The following MSRA variants were observed in gnomAD, a reference collection of about 807,000 sequenced individuals.
MSRA encodes methionine sulfoxide reductase A.
Under a neutral mutation model 31.3 loss-of-function variants are expected in MSRA, and 54 were observed. The observed-to-expected ratio is 1.73, with a 90% confidence interval of 1.39 to 2.17. The LOEUF is 2.17. Among genes scored for constraint, MSRA ranks in the 30% most tolerant of loss-of-function variants. The pLI is 0.00. For missense variants in MSRA, 507 were observed against 300.9 expected (o/e 1.69, Z -5.07); for synonymous variants, 169 against 116.5 (o/e 1.45, Z -2.90).
chr8:10,070,680 T>G (rs1175413429), intron 1 of MSRA, among the ~76,000 whole-genome samples: 1 of 152,208 alleles, frequency 6.6e-6, no homozygotes, highest in African/African-American at 2.4e-5. Context: ...ATGTGCAACC[T>G]CTGGCGACCA....
intron 1 of MSRA, among the ~76,000 whole-genome samples, chr8:10,158,558 G>T (rs1254754597): frequency 1.3e-5 from 2 of 152,218 alleles, no homozygotes; most frequent in African/African-American, 4.8e-5. Flanking sequence ...CAGTCCCTTT[G>T]ATTGCTGGTC....
intron 1 of MSRA, among the ~76,000 whole-genome samples, chr8:10,181,076 G>A (rs1302826158): frequency 6.6e-6 from 1 of 152,208 alleles, no homozygotes; most frequent in African/African-American, 2.4e-5. Context: ...CTGGAGATAG[G>A]TGAGAATGAG....
intron 1 of MSRA, among the ~76,000 whole-genome samples, chr8:10,157,456 T>C (rs1256829251): frequency 6.6e-6 from 1 of 152,114 alleles, no homozygotes; most frequent in African/African-American, 2.4e-5. Context: ...CAAAGAATTT[T>C]TAAAAAGATT....
intron 1 of MSRA, among the ~76,000 whole-genome samples, chr8:10,067,691 G>C (rs186824143): frequency 1.2e-3 from 184 of 152,264 alleles, no homozygotes; most frequent in African/African-American, 4.3e-3. Flanking sequence ...GTTGTTATCA[G>C]TGCTTTGGAT....
rs1180150717 is a variant in MSRA at position 10,376,294 on chromosome 8, A to G, written c.544-51854A>G. 4.6e-5 allele frequency among the ~76,000 whole-genome samples: 7 copies of G among 152,336 alleles called. No homozygotes were observed. The South Asian group carries it at 1.0e-3, about 23-fold the overall frequency. ...GCTTCTCCTATCCCTGGCTTCTACAATGCAGCCAGGAACAGCAAATGCCAT... is the reference window on the plus strand; with the variant it reads ...GCTTCTCCTATCCCTGGCTTCTACAGTGCAGCCAGGAACAGCAAATGCCAT... On this transcript the variant is annotated intron_variant, in intron 5 of 5. Coordinates refer to ENST00000317173, the MANE Select transcript of MSRA (RefSeq NM_012331.5).
intron 1 of MSRA, among the ~76,000 whole-genome samples, chr8:10,129,151 G>A (rs184862775): frequency 6.6e-6 from 1 of 152,234 alleles, no homozygotes; most frequent in Non-Finnish European, 1.5e-5. Context: ...CTGAGTGACG[G>A]AGACTCTGTT....
chr8:10,178,821 A>G (rs541841655), intron 1 of MSRA, among the ~76,000 whole-genome samples: 2 of 152,176 alleles, frequency 1.3e-5, no homozygotes, highest in Non-Finnish European at 2.9e-5. Flanking sequence ...GAGGCAGGGA[A>G]ATAAAATAAC....
chr8:10,114,045 A>G (rs147020605), intron 1 of MSRA, among the ~76,000 whole-genome samples: 8 of 152,282 alleles, frequency 5.3e-5, no homozygotes, highest in South Asian at 4.1e-4. Flanking sequence ...TTTCACGTCA[A>G]TAGAATCATG....
chr8:10,337,216 G>C (rs930198444), intron 5 of MSRA: 5 of 151,856 alleles, frequency 3.3e-5, no homozygotes, highest in African/African-American at 1.2e-4. Context: ...GTCTCACTCT[G>C]TCACCCAGGC....
chr8:10,161,254 A>C (rs923974849), intron 1 of MSRA, among the ~76,000 whole-genome samples: 14 of 152,180 alleles, frequency 9.2e-5, no homozygotes, highest in Admixed American at 7.9e-4. Flanking sequence ...TTATATAATT[A>C]AATATCATCT....
chr8:10,410,877 C>T (rs1167551426), intron 5 of MSRA, among the ~76,000 whole-genome samples: 1 of 152,170 alleles, frequency 6.6e-6, no homozygotes, highest in East Asian at 1.9e-4. Context: ...TGAGGGAGTT[C>T]CAGTTCTTCC....
chr8:10,342,502 G>T (rs1011170108), intron 5 of MSRA, among the ~76,000 whole-genome samples: 10 of 152,158 alleles, frequency 6.6e-5, no homozygotes, highest in African/African-American at 2.4e-4. Flanking sequence ...AAAGATTCTG[G>T]AGTTCCCCGG....
In MSRA at chr8:10,428,177, C is replaced by T. The variant is rs1277912896; in HGVS notation, c.573C>T (p.Ile191=). 1.1e-5 allele frequency: 17 copies of T among 1,613,984 alleles called. No individual in the cohort carries two copies. Among genetic ancestry groups the T allele is most frequent in the African/African-American group, 1.3e-5 (1 of 74,926 alleles). The change falls in exon 6 of 6, where the codon ATC becomes ATT. Residue 191 remains isoleucine (I), a synonymous_variant. Transcript: ENST00000317173. ...KVLSEHGFGP[I]TTDIREGQTF... The stretch of plus-strand genomic sequence containing the variant: ...TTTCAGAGCACGGCTTCGGCCCCAT[C>T]ACTACCGACATCCGGGAGGGACAGA...
chr8:10,124,561 C>A (rs768526474), intron 1 of MSRA, among the ~76,000 whole-genome samples: 1 of 152,192 alleles, frequency 6.6e-6, no homozygotes, highest in Non-Finnish European at 1.5e-5. Flanking sequence ...TCCTATGATT[C>A]TACTTTGATA....
chr8:10,177,443 CTT>C (rs982420729), intron 1 of MSRA, among the ~76,000 whole-genome samples: 3 of 146,570 alleles, frequency 2.0e-5, no homozygotes, highest in African/African-American at 7.4e-5. Context: ...GCTTTGATAA[CTT>C]TTTGTTGATA....
intron 1 of MSRA, among the ~76,000 whole-genome samples, chr8:10,126,544 C>G (rs939407223): frequency 5.3e-5 from 8 of 152,080 alleles, no homozygotes; most frequent in African/African-American, 1.7e-4. Context: ...GAGATGGGGT[C>G]TTCTGTCGCC....
At chr8:10,355,207 C>G (rs565036598) in intron 5 of MSRA, among the ~76,000 whole-genome samples, 16 of 152,322 alleles carry the variant, frequency 1.1e-4, no homozygotes, top group African/African-American at 3.6e-4. Flanking sequence ...CAGCCCAGTT[C>G]CTGGCCCAGA....
At chr8:10,227,603 G>C (rs986075301) in intron 2 of MSRA, among the ~76,000 whole-genome samples, 1 of 152,154 alleles carries the variant, frequency 6.6e-6, no homozygotes, top group Non-Finnish European at 1.5e-5. Context: ...ATAGCAATGT[G>C]TATAAAGAAC....
intron 4 of MSRA, among the ~76,000 whole-genome samples, chr8:10,314,977 A>G (rs1009756283): frequency 3.3e-5 from 5 of 152,232 alleles, no homozygotes; most frequent in African/African-American, 1.2e-4. Context: ...AATGGACCCC[A>G]AGTTCCACAT....
Sources: gnomAD v4.1 joint callset for allele counts (sites outside exome capture counted in the v4.1 genomes callset) on GRCh38, gnomAD v4.1.1 for gene constraint, MANE v1.5 for transcripts, NCBI Gene and HGNC (gene_info 2026-07-23, HGNC 2026-07-21) for gene names.